MMD: variants seen among roughly 807,000 people sequenced by gnomAD.
MMD encodes monocyte to macrophage differentiation associated.
MMD carries 22 observed loss-of-function variants against 33.6 expected under a neutral mutation model. That is an observed-to-expected ratio of 0.66 (90% confidence interval 0.47 to 0.94). MMD has a LOEUF of 0.94. MMD is among the 40% of genes least tolerant of loss of function. The pLI, the probability that MMD is intolerant of heterozygous loss-of-function variation, is 0.00. For missense variants in MMD, 242 were observed against 309.8 expected (o/e 0.78, Z 1.64); for synonymous variants, 97 against 103.2 (o/e 0.94, Z 0.36).
intron 3 of MMD, among the ~76,000 whole-genome samples, chr17:55,409,471 C>G (rs1907680643): frequency 6.6e-6 from 1 of 152,204 alleles, no homozygotes. Context: ...CTGACTCTCA[C>G]TTACCTCATA....
At chr17:55,399,355 C>T (rs1197700398) in intron 6 of MMD, among the ~76,000 whole-genome samples, 1 of 152,174 alleles carries the variant, frequency 6.6e-6, no homozygotes, top group Admixed American at 6.5e-5. Flanking sequence ...CATTTTCATT[C>T]ATTCTGTTAC....
intron 2 of MMD, among the ~76,000 whole-genome samples, chr17:55,412,479 G>A (rs1303445985): frequency 6.6e-6 from 1 of 152,230 alleles, no homozygotes; most frequent in Non-Finnish European, 1.5e-5. Flanking sequence ...CTAGTCATAT[G>A]TGTATGACTA....
intron 6 of MMD, among the ~76,000 whole-genome samples, chr17:55,394,966 T>C (rs1464475097): frequency 6.6e-6 from 1 of 152,240 alleles, no homozygotes; most frequent in East Asian, 1.9e-4. Flanking sequence ...TACTTCCCTT[T>C]GTCCTTCTCA....
chr17:55,420,773 T>A (rs757220627), intron 1 of MMD, among the ~76,000 whole-genome samples: 21 of 151,978 alleles, frequency 1.4e-4, no homozygotes, highest in Non-Finnish European at 2.8e-4. Context: ...CCTGGAGAGG[T>A]GAACTTTCAC....
At chr17:55,414,014 C>T in intron 2 of MMD, 137 bp downstream of exon 2, 1 of 793,728 alleles carries the variant, frequency 1.3e-6, no homozygotes, top group Admixed American at 2.1e-5. Context: ...TGACACGACC[C>T]AGAACTGATT....
intron 1 of MMD, among the ~76,000 whole-genome samples, chr17:55,419,360 G>A (rs968258528): frequency 2.6e-5 from 4 of 152,346 alleles, no homozygotes; most frequent in Admixed American, 6.5e-5. Context: ...AACATAAAAT[G>A]AGGAAGATAA....
intron 2 of MMD, among the ~76,000 whole-genome samples, chr17:55,413,542 G>C (rs756777133): frequency 5.3e-5 from 8 of 151,908 alleles, no homozygotes; most frequent in Non-Finnish European, 1.2e-4. Flanking sequence ...GGTTAGTTTT[G>C]TTTTTCTTAT....
At chr17:55,419,344 G>C (rs1011225213) in intron 1 of MMD, among the ~76,000 whole-genome samples, 4 of 152,238 alleles carry the variant, frequency 2.6e-5, no homozygotes, top group African/African-American at 4.8e-5. Flanking sequence ...GGATACTCAA[G>C]TGTGAAACAT....
Position 55,421,816 on chromosome 17 carries a change from C to G in MMD, c.-121G>C, listed in dbSNP as rs1294360972. The G allele has an allele frequency of 9.0e-7, 1 of 1,114,230 alleles. No homozygotes were observed. Among genetic ancestry groups the G allele is most frequent in the Non-Finnish European group, 1.2e-6 (1 of 839,052 alleles). 69.0% of individuals were successfully genotyped at this position (1,114,230 alleles called of 1,614,324 possible). A position where few individuals can be genotyped will look rare whatever the true frequency, so the allele number is the denominator to read the frequency against. ...CGCCTGCGTGTCCAGCGGAACCCTT[C>G]GGCCGGGTAGGGTCGGAGTGGGCCA... On this transcript the variant is annotated 5_prime_UTR_variant, in exon 1 of 7. Coordinates refer to ENST00000262065, the MANE Select transcript of MMD (RefSeq NM_012329.3).
chr17:55,403,858 G>A lies in MMD; in HGVS notation c.355C>T (p.Arg119Cys). The A allele has an allele frequency of 4.3e-6, 7 of 1,612,434 alleles. No homozygotes were observed. The highest frequency in any genetic ancestry group is 5.1e-6 in the Non-Finnish European group (6 of 1,178,966). Reference protein sequence around the residue: ...AASYAPWLNLRELGPLASHMR... With the variant: ...AASYAPWLNLCELGPLASHMR... ...TGAGATGCCAGGGGTCCAAGTTCAC[G>A]AAGATTTAACCTAAAAATGTAAACG... Residue 119 changes from arginine to cysteine, a missense_variant, in exon 5 of 7, where the codon CGT (arginine) becomes TGT (cysteine). Transcript: ENST00000262065.
intron 1 of MMD, 101 bp downstream of exon 1, chr17:55,421,569 G>A (rs1341140735): frequency 6.6e-7 from 1 of 1,517,068 alleles, no homozygotes; most frequent in Non-Finnish European, 9.0e-7. Flanking sequence ...GATCCACCCA[G>A]GATGAATCCA....
chr17:55,405,324 C>T (rs1907500429), intron 4 of MMD, among the ~76,000 whole-genome samples: 3 of 150,140 alleles, frequency 2.0e-5, no homozygotes, highest in Admixed American at 1.3e-4. Context: ...GAGCCAAGAT[C>T]GCGCCATTGC....
At chr17:55,414,094 C>A (rs11659004) in intron 2 of MMD, 57 bp downstream of exon 2, 222,651 of 1,530,654 alleles carry the variant, frequency 0.15, 19,979 homozygotes, top group East Asian at 0.47. Flanking sequence ...ATAACTACCC[C>A]TTCCTCCCAC....
In MMD at chr17:55,401,537, A is replaced by G; in HGVS notation, c.448T>C (p.Tyr150His). ...TAGAAAAAGAGTTCAACCACCTTATATCTGCAGGAACAAAAATGCAGTTAA... is the reference window on the plus strand; with the variant it reads ...TAGAAAAAGAGTTCAACCACCTTATGTCTGCAGGAACAAAAATGCAGTTAA... ...TIYVFLYHEKYKVVELFFYLT... is the reference protein window; with the variant it reads ...TIYVFLYHEKHKVVELFFYLT... The change falls in exon 6 of 7, where the codon TAT (tyrosine) becomes CAT (histidine). Residue 150 changes from tyrosine (Y) to histidine (H), a missense_variant and splice_region_variant. Tyr to His is a moderately conservative substitution (Grantham distance 83). Coordinates refer to ENST00000262065, the MANE Select transcript of MMD (RefSeq NM_012329.3). 1.2e-6 allele frequency: 2 copies of G among 1,607,362 alleles called. No individual in the cohort carries two copies. The highest frequency in any genetic ancestry group is 1.7e-6 in the Non-Finnish European group (2 of 1,177,250).
At chr17:55,415,737 T>C (rs1907944175) in intron 1 of MMD, among the ~76,000 whole-genome samples, 1 of 151,940 alleles carries the variant, frequency 6.6e-6, no homozygotes, top group Non-Finnish European at 1.5e-5. Flanking sequence ...GTGAAGATAT[T>C]TCACTTGGCC....
Position 55,403,801 on chromosome 17 carries a change from C to T in MMD, c.412G>A (p.Gly138Arg), listed in dbSNP as rs1448171176. ...TAGAGAAATACATAAATGGTTCCTC[C>T]AGCTGCCATGAGCCAGATAAACCAA... Reference protein sequence around the residue: ...MRWFIWLMAAGGTIYVFLYHE... With the variant: ...MRWFIWLMAARGTIYVFLYHE... Residue 138 changes from glycine to arginine, a missense_variant, in exon 5 of 7, where the codon GGA becomes AGA. Coordinates refer to ENST00000262065, the MANE Select transcript of MMD (RefSeq NM_012329.3). 1 of 1,613,188 alleles carries T rather than the reference C, an allele frequency of 6.2e-7. No homozygotes were observed.
chr17:55,420,586 A>C (rs1016434080), intron 1 of MMD: 1 of 152,120 alleles, frequency 6.6e-6, no homozygotes, highest in Admixed American at 6.6e-5. Context: ...GAGATTGGAA[A>C]GAAAAAAAAA....
At chr17:55,415,524 T>C (rs181890182) in intron 1 of MMD, among the ~76,000 whole-genome samples, 22 of 152,348 alleles carry the variant, frequency 1.4e-4, no homozygotes, top group Non-Finnish European at 2.8e-4. Context: ...TAGAACCAAG[T>C]TGCCAAAAAT....
Position 55,394,278 on chromosome 17 carries a change from C to G in MMD, c.*56G>C. 4.0e-6 allele frequency: 5 copies of G among 1,243,512 alleles called. No individual in the cohort carries two copies. The highest frequency in any genetic ancestry group is 5.2e-6 in the Non-Finnish European group (5 of 956,780). 77.0% of individuals were successfully genotyped at this position (1,243,512 alleles called of 1,614,324 possible). On this transcript the variant is annotated 3_prime_UTR_variant, in exon 7 of 7. Coordinates refer to ENST00000262065, the MANE Select transcript of MMD (RefSeq NM_012329.3). ...CCTGTGCAATGTTTAGCTCTCACCCCACTCCCAAGTGCCATAATTGAAATA... is the reference window on the plus strand; with the variant it reads ...CCTGTGCAATGTTTAGCTCTCACCCGACTCCCAAGTGCCATAATTGAAATA...
Sources: gnomAD v4.1 joint callset for allele counts (sites outside exome capture counted in the v4.1 genomes callset) on GRCh38, gnomAD v4.1.1 for gene constraint, MANE v1.5 for transcripts, NCBI Gene and HGNC (gene_info 2026-07-23, HGNC 2026-07-21) for gene names.